Variants in DGKB observed in about 807,000 individuals in gnomAD.
DGKB encodes the protein 90 kDa diacylglycerol kinase.
Under a neutral mutation model 114.3 loss-of-function variants are expected in DGKB, and 67 were observed. The observed-to-expected ratio is 0.59, with a 90% confidence interval of 0.48 to 0.72. The LOEUF is 0.72. DGKB is among the 30% of genes least tolerant of loss of function. The pLI is 0.00. For synonymous variants in DGKB, 398 were observed against 323.1 expected (o/e 1.23, Z -2.49); for missense variants, 907 against 975.2 (o/e 0.93, Z 0.93).
chr7:14,640,047 G>A (rs1018091873), intron 13 of DGKB, among the ~76,000 whole-genome samples: 5 of 152,164 alleles, frequency 3.3e-5, no homozygotes, highest in Non-Finnish European at 5.9e-5. Flanking sequence ...ACAGGAAATA[G>A]AATTGCACAG....
chr7:14,352,632 A>G (rs1412763846), intron 21 of DGKB, among the ~76,000 whole-genome samples: 2 of 152,202 alleles, frequency 1.3e-5, no homozygotes, highest in African/African-American at 2.4e-5. Flanking sequence ...CATTTCAATA[A>G]TAATTAAATC....
chr7:14,915,129 G>C (rs1784179331), intron 1 of DGKB, among the ~76,000 whole-genome samples: 1 of 152,182 alleles, frequency 6.6e-6, no homozygotes, highest in Admixed American at 6.5e-5. Flanking sequence ...AATTTGGGGA[G>C]GCTATGTTGA....
At chr7:14,526,529 G>A (rs1050632565) in intron 20 of DGKB, among the ~76,000 whole-genome samples, 17 of 152,016 alleles carry the variant, frequency 1.1e-4, no homozygotes, top group African/African-American at 3.1e-4. Context: ...AGAAATAAAA[G>A]ATTTTGAGAA....
intron 15 of DGKB, among the ~76,000 whole-genome samples, chr7:14,615,895 A>G (rs949308408): frequency 2.0e-5 from 3 of 151,702 alleles, no homozygotes; most frequent in Non-Finnish European, 4.4e-5. Context: ...TTGTATTGCA[A>G]TGCAAAACAT....
chr7:14,531,937 T>C (rs948697217), intron 20 of DGKB, among the ~76,000 whole-genome samples: 1 of 151,100 alleles, frequency 6.6e-6, no homozygotes, highest in African/African-American at 2.4e-5. Context: ...ATAGAACTTT[T>C]ATCATGCTAG....
At position 14,570,461 on chromosome 7, in the gene DGKB, A is replaced by T. The variant is rs1025259608; in HGVS notation, c.1770+3751T>A. 2.0e-5 allele frequency among the ~76,000 whole-genome samples: 3 copies of T among 152,146 alleles called. No homozygotes were observed. The East Asian group carries it at 5.8e-4, about 29-fold the overall frequency. ...CTCTTGCAGACAAAAAAATTGGAGC[A>T]TAACATTTGACTACCCAGAAACTTA... is the stretch of plus-strand genomic sequence containing the variant. On this transcript the variant is annotated intron_variant, in intron 20 of 25. Transcript: ENST00000402815.
At chr7:14,687,058 T>C (rs1026482916) in intron 9 of DGKB, among the ~76,000 whole-genome samples, 2 of 152,126 alleles carry the variant, frequency 1.3e-5, no homozygotes. Context: ...TTAGTTTTCT[T>C]AAGTCAGGGT....
intron 21 of DGKB, among the ~76,000 whole-genome samples, chr7:14,367,984 G>T (rs138161060): frequency 6.6e-6 from 1 of 152,064 alleles, no homozygotes; most frequent in Non-Finnish European, 1.5e-5. Flanking sequence ...TGGGGACACA[G>T]AGCAAAACCA....
chr7:14,919,510 T>A (rs931631220), intron 1 of DGKB, among the ~76,000 whole-genome samples: 1 of 152,180 alleles, frequency 6.6e-6, no homozygotes. Flanking sequence ...TAGGAATAAA[T>A]GTAGGACACA....
chr7:14,594,737 T>C (rs575046174), intron 17 of DGKB, among the ~76,000 whole-genome samples: 7 of 152,200 alleles, frequency 4.6e-5, no homozygotes, highest in South Asian at 4.1e-4. Context: ...ATCAGATCAT[T>C]CCATGGAGTT....
At chr7:14,901,615 A>AC (rs1464762439) in intron 1 of DGKB, among the ~76,000 whole-genome samples, 1 of 76,782 alleles carries the variant, frequency 1.3e-5, no homozygotes, top group Non-Finnish European at 2.7e-5. Flanking sequence ...ACCCCCCCCC[A>AC]CCCCCCACTG....
chr7:14,590,174 AC>A (rs199653291), intron 17 of DGKB, among the ~76,000 whole-genome samples: 5,502 of 36,308 alleles, frequency 0.15, 296 homozygotes, highest in Admixed American at 0.27. Context: ...AAAAAAAAAA[AC>A]ATTAAAGAGA....
At chr7:14,729,403 C>G (rs528956322) in intron 5 of DGKB, among the ~76,000 whole-genome samples, 1 of 152,062 alleles carries the variant, frequency 6.6e-6, no homozygotes, top group Non-Finnish European at 1.5e-5. Context: ...ATTACAGGCA[C>G]GAGCCATCAT....
At chr7:14,187,081 T>C (rs780378313) in intron 23 of DGKB, among the ~76,000 whole-genome samples, 3 of 152,180 alleles carry the variant, frequency 2.0e-5, no homozygotes, top group Non-Finnish European at 2.9e-5. Context: ...TACAAAGGAA[T>C]ACATACATAA....
intron 23 of DGKB, among the ~76,000 whole-genome samples, chr7:14,329,707 C>G (rs898159452): frequency 6.6e-6 from 1 of 151,930 alleles, no homozygotes; most frequent in East Asian, 1.9e-4. Flanking sequence ...TCATTACCCT[C>G]AAAGGGCAAG....
chr7:14,381,565 T>C (rs1429326276), intron 21 of DGKB, among the ~76,000 whole-genome samples: 1 of 152,328 alleles, frequency 6.6e-6, no homozygotes, highest in Admixed American at 6.5e-5. Flanking sequence ...GTGAAATCTG[T>C]GTGACTAAAG....
At chr7:14,917,609 T>G (rs1784305315) in intron 1 of DGKB, among the ~76,000 whole-genome samples, 1 of 151,988 alleles carries the variant, frequency 6.6e-6, no homozygotes, top group Admixed American at 6.6e-5. Context: ...TTATATTTAC[T>G]AAAGAAATTA....
At chr7:14,633,682 C>A (rs1810188987) in intron 13 of DGKB, among the ~76,000 whole-genome samples, 1 of 151,474 alleles carries the variant, frequency 6.6e-6, no homozygotes, top group Non-Finnish European at 1.5e-5. Context: ...GTGCATGATT[C>A]TAAATGTAAT....
chr7:14,504,991 G>A (rs982805318), intron 20 of DGKB, among the ~76,000 whole-genome samples: 1 of 152,186 alleles, frequency 6.6e-6, no homozygotes, highest in Non-Finnish European at 1.5e-5. Context: ...ATCAACACCT[G>A]TTGGGTCAGA....
Sources: allele counts gnomAD v4.1 joint callset (sites outside exome capture counted in the v4.1 genomes callset), GRCh38; gene constraint gnomAD v4.1.1; transcripts MANE v1.5; gene names NCBI Gene and HGNC (gene_info 2026-07-23, HGNC 2026-07-21).